The following ADAMTS2 variants were observed in gnomAD, a reference collection of about 807,000 sequenced individuals.
The protein encoded by ADAMTS2 is ADAM metallopeptidase with thrombospondin type 1 motif 2, also known as A disintegrin and metalloproteinase with thrombospondin motifs 2.
A neutral mutation model predicts 123.0 loss-of-function variants in ADAMTS2; 50 were observed. The ratio of observed to expected loss-of-function variants is 0.41; its 90% CI spans 0.32 to 0.51. The LOEUF is 0.51. Among genes scored for constraint, ADAMTS2 ranks in the 20% least tolerant of loss-of-function variants. ADAMTS2 has a pLI of 0.35. For synonymous variants in ADAMTS2, 678 were observed against 695.4 expected, an observed-to-expected ratio of 0.98 and a Z score of 0.39; for missense variants, 1,494 against 1,705.2, an observed-to-expected ratio of 0.88 and a Z score of 2.18.
rs1561814262 is a variant in ADAMTS2, at chr5:179,223,527, C to CACTCACACACGA, written c.689-15813_689-15812insTCGTGTGTGAGT. ...ACACTCATACGAATGCACTCACACA[C>CACTCACACACGA]ATGCACTCACACTCACACGAATGCA... On this transcript the variant is annotated intron_variant, in intron 3 of 21. Coordinates refer to ENST00000251582, the MANE Select transcript of ADAMTS2 (RefSeq NM_014244.5). 2.7e-5 allele frequency among the ~76,000 whole-genome samples: 4 copies of CACTCACACACGA among 147,074 alleles called. No individual in the cohort carries two copies. In the East Asian group the frequency reaches 6.2e-4, roughly 23 times the overall value.
At chr5:179,321,101 A>T (rs1757159846) in intron 2 of ADAMTS2, among the ~76,000 whole-genome samples, 1 of 151,930 alleles carries the variant, frequency 6.6e-6, no homozygotes, top group Non-Finnish European at 1.5e-5. Flanking sequence ...AGCCACTTTT[A>T]CTTGGATTTC....
In ADAMTS2 at chr5:179,273,034, A is replaced by C; in HGVS notation, c.565T>G (p.Phe189Val). Residue 189 changes from phenylalanine to valine, a missense_variant, in exon 3 of 22, where the codon TTC (phenylalanine) becomes GTC (valine). By Grantham distance (50) the Phe-to-Val change is conservative (BLOSUM62 -1). Coordinates refer to ENST00000251582, the MANE Select transcript of ADAMTS2 (RefSeq NM_014244.5). ...CCCTTCTCCAAGGGTTCGATGAAGA[A>C]CTCCTCCTCCTCCATCCGGATCAGA... ...AGLIRMEEEE[F>V]FIEPLEKGLA... 1 of 1,612,994 alleles carries C rather than the reference A, an allele frequency of 6.2e-7. No homozygotes were observed. Among genetic ancestry groups the C allele is most frequent in the Non-Finnish European group, 8.5e-7 (1 of 1,179,878 alleles).
chr5:179,147,522 G>C (rs1763272326), intron 10 of ADAMTS2, among the ~76,000 whole-genome samples: 1 of 152,188 alleles, frequency 6.6e-6, no homozygotes, highest in African/African-American at 2.4e-5. Flanking sequence ...TGCCCATATA[G>C]AAGTAGTGAC....
chr5:179,135,577 C>T (rs1482206566), intron 13 of ADAMTS2, among the ~76,000 whole-genome samples: 2 of 152,168 alleles, frequency 1.3e-5, no homozygotes, highest in East Asian at 3.9e-4. Flanking sequence ...CACAAGGGTC[C>T]CCTGTAGGTC....
At chr5:179,337,236 G>A (rs1160543226) in intron 2 of ADAMTS2, among the ~76,000 whole-genome samples, 2 of 151,960 alleles carry the variant, frequency 1.3e-5, no homozygotes, top group Non-Finnish European at 2.9e-5. Flanking sequence ...AGGGGGCTGG[G>A]GTCCTCCTCT....
In ADAMTS2 at chr5:179,158,439, A is replaced by T. The variant is rs1763527903; in HGVS notation, c.1132+284T>A. ...CCTCCTTTCTTTCCAAATTGGCCCC[A>T]CACCATTTGTTAGGCTGTTTTCCTC... On this transcript the variant is annotated intron_variant, in intron 6 of 21. Transcript: ENST00000251582. The surrounding 1 kb of genome is among the most constrained non-coding windows in gnomAD (Gnocchi z 5.0). 6.6e-6 allele frequency among the ~76,000 whole-genome samples: 1 copy of T among 152,154 alleles called. No homozygotes were observed. The highest frequency in any genetic ancestry group is 1.5e-5 in the Non-Finnish European group (1 of 68,032).
intron 2 of ADAMTS2, among the ~76,000 whole-genome samples, chr5:179,341,161 C>T (rs1245365003): frequency 6.6e-6 from 1 of 152,150 alleles, no homozygotes; most frequent in African/African-American, 2.4e-5. Flanking sequence ...GCAAAGAAGC[C>T]TATCGTGGTG....
In ADAMTS2 at chr5:179,130,179, G is replaced by A; in HGVS notation, c.2291-81C>T. ...CCCACTGGTTTGGGCTGGTCGGGGA[G>A]TGGGGGCAGCTAGCTGGACCCCTTG... On this transcript the variant is annotated intron_variant, in intron 15 of 21. Coordinates refer to ENST00000251582, the MANE Select transcript of ADAMTS2 (RefSeq NM_014244.5). This position sits in a 1 kb window ranked among gnomAD's most constrained non-coding sequence, Gnocchi z 4.3. 1 of 1,570,736 alleles carries A rather than the reference G, an allele frequency of 6.4e-7. No individual in the cohort carries two copies. Among genetic ancestry groups the A allele is most frequent in the Non-Finnish European group, 8.7e-7 (1 of 1,145,876 alleles).
chr5:179,159,352 A>T (rs1006634546), intron 5 of ADAMTS2, among the ~76,000 whole-genome samples: 2 of 152,228 alleles, frequency 1.3e-5, no homozygotes, highest in African/African-American at 4.8e-5. Context: ...GAGGAAGCAG[A>T]TCACCTTATA....
At chr5:179,199,485 C>T (rs983422214) in intron 4 of ADAMTS2, among the ~76,000 whole-genome samples, 16 of 152,358 alleles carry the variant, frequency 1.1e-4, no homozygotes, top group Middle Eastern at 3.4e-3. Flanking sequence ...CGTGGCCATA[C>T]GCTCTGGGCT....
intron 3 of ADAMTS2, among the ~76,000 whole-genome samples, chr5:179,237,218 G>A (rs753296816): frequency 4.6e-5 from 7 of 152,310 alleles, no homozygotes; most frequent in South Asian, 2.1e-4. Context: ...AGCTAGGATC[G>A]TGCCACTGCA....
chr5:179,251,014 A>C (rs2113468673), intron 3 of ADAMTS2, among the ~76,000 whole-genome samples: 1 of 152,312 alleles, frequency 6.6e-6, no homozygotes, highest in South Asian at 2.1e-4. Flanking sequence ...GCCTCGGCAA[A>C]GGCAAAGCCT....
rs1267234426 is a variant in ADAMTS2 at position 179,307,927 on chromosome 5, C to G, written c.535-34863G>C. On this transcript the variant is annotated intron_variant, in intron 2 of 21. Coordinates refer to ENST00000251582, the MANE Select transcript of ADAMTS2 (RefSeq NM_014244.5). This position sits in a 1 kb window ranked among gnomAD's most constrained non-coding sequence, Gnocchi z 5.6. ...CGTGGGTTCTTTATTGGGTCACTCT[C>G]TGCCCCCTGACCAGGGATCTTACGA... 1.3e-5 allele frequency among the ~76,000 whole-genome samples: 2 copies of G among 152,240 alleles called. No homozygotes were observed. Among genetic ancestry groups the G allele is most frequent in the Non-Finnish European group, 2.9e-5 (2 of 68,048 alleles).
intron 15 of ADAMTS2, among the ~76,000 whole-genome samples, chr5:179,131,903 G>C (rs533644743): frequency 6.6e-6 from 1 of 152,336 alleles, no homozygotes; most frequent in Non-Finnish European, 1.5e-5. Flanking sequence ...CCTTCCCGAG[G>C]GCAGGGGGCC....
rs1561628553 is a variant in ADAMTS2, at chr5:179,245,786, AAAAAAAAAAC to A, written c.688+27115_688+27124del. 2.5e-4 allele frequency among the ~76,000 whole-genome samples: 34 copies of A among 135,724 alleles called. 2 individuals carry two copies. Among genetic ancestry groups the A allele is most frequent in the African/African-American group, 6.6e-4 (24 of 36,258 alleles). 89.0% of individuals were successfully genotyped at this position (135,724 alleles called of 152,430 possible). On this transcript the variant is annotated intron_variant, in intron 3 of 21. Transcript: ENST00000251582. Reference sequence around the variant, plus strand: ...GTCTCAAAAAAAAAAAAAAAAAAAAAAAAAAAAAACAAAAAAAACAAAGATGGGGGTGGAA... The same window carrying A: ...GTCTCAAAAAAAAAAAAAAAAAAAAAAAAAAAAACAAAGATGGGGGTGGAA...
intron 2 of ADAMTS2, among the ~76,000 whole-genome samples, chr5:179,319,347 C>T (rs1757092605): frequency 1.3e-5 from 2 of 152,222 alleles, no homozygotes; most frequent in East Asian, 1.9e-4. Context: ...TACACATGTG[C>T]ATCGGTCATA....
At chr5:179,205,184 C>T (rs1427293398) in intron 4 of ADAMTS2, among the ~76,000 whole-genome samples, 2 of 152,200 alleles carry the variant, frequency 1.3e-5, no homozygotes, top group African/African-American at 2.4e-5. Context: ...CAGAGAGACC[C>T]TGGGCACCAG....
intron 10 of ADAMTS2, among the ~76,000 whole-genome samples, chr5:179,140,330 C>T (rs965587854): frequency 7.2e-5 from 11 of 152,336 alleles, no homozygotes; most frequent in South Asian, 4.1e-4. Flanking sequence ...CACATGACGC[C>T]GCCAGGATAG....
rs1195245321 is a variant in ADAMTS2 at position 179,256,748 on chromosome 5, G to A, written c.688+16163C>T. ...CTGCTGGCAGGAACACGCCCAGGGT[G>A]GCCAGGCCTTCTGAAGGAACTGAAA... On this transcript the variant is annotated intron_variant, in intron 3 of 21. Transcript: ENST00000251582. The surrounding 1 kb of genome is among the most constrained non-coding windows in gnomAD (Gnocchi z 4.1). Among the ~76,000 whole-genome samples, 3 of 152,236 alleles carry A rather than the reference G, an allele frequency of 2.0e-5. No individual in the cohort carries two copies. Among genetic ancestry groups the A allele is most frequent in the African/African-American group, 4.8e-5 (2 of 41,460 alleles).
Sources: gnomAD v4.1 joint callset for allele counts (sites outside exome capture counted in the v4.1 genomes callset) on GRCh38, gnomAD v4.1.1 for gene constraint, Gnocchi (gnomAD v3.1) non-coding constraint, MANE v1.5 for transcripts, NCBI Gene and HGNC (gene_info 2026-07-23, HGNC 2026-07-21) for gene names.